The following UBE2D2 variants were observed in gnomAD, a reference collection of about 807,000 sequenced individuals.
The protein encoded by UBE2D2 is ubiquitin conjugating enzyme E2 D2.
UBE2D2 carries 2 observed loss-of-function variants against 24.2 expected under a neutral mutation model. The observed-to-expected ratio is 0.08, with a 90% CI of 0.03 to 0.26. The LOEUF is 0.26. UBE2D2 is among the 10% of genes least tolerant of loss of function. UBE2D2 has a pLI of 1.00. For missense variants in UBE2D2, 44 were observed against 177.6 expected, an observed-to-expected ratio of 0.25 and a Z score of 4.28; for synonymous variants, 58 against 56.5, an observed-to-expected ratio of 1.03 and a Z score of -0.12.
intron 1 of UBE2D2, among the ~76,000 whole-genome samples, chr5:139,583,103 T>C (rs1198786647): frequency 4.0e-5 from 6 of 151,882 alleles, no homozygotes; most frequent in Non-Finnish European, 4.4e-5. Flanking sequence ...GCCTCCCTAG[T>C]AGCTGGGATT....
intron 1 of UBE2D2, chr5:139,562,201 C>T (rs770441705): frequency 8.7e-6 from 12 of 1,380,608 alleles, no homozygotes; most frequent in Non-Finnish European, 9.6e-6. Context: ...GTCGAAAGGG[C>T]TTCTCGCCCC....
intron 2 of UBE2D2, among the ~76,000 whole-genome samples, chr5:139,603,139 A>C (rs1015601946): frequency 6.6e-6 from 1 of 152,142 alleles, no homozygotes; most frequent in Non-Finnish European, 1.5e-5. Flanking sequence ...TACTCTTTCT[A>C]TTCAGTTGGA....
intron 1 of UBE2D2, among the ~76,000 whole-genome samples, chr5:139,586,597 C>T (rs908310362): frequency 3.3e-5 from 5 of 152,096 alleles, no homozygotes; most frequent in African/African-American, 1.2e-4. Flanking sequence ...AACCCTGTCT[C>T]TACTAAAAAT....
intron 5 of UBE2D2, among the ~76,000 whole-genome samples, chr5:139,619,818 G>T (rs1419887620): frequency 6.6e-6 from 1 of 151,658 alleles, no homozygotes; most frequent in African/African-American, 2.4e-5. Flanking sequence ...AGCTGGGATC[G>T]CGCCATTGCA....
intron 1 of UBE2D2, among the ~76,000 whole-genome samples, chr5:139,562,742 G>T (rs1753138364): frequency 1.3e-5 from 2 of 152,002 alleles, no homozygotes; most frequent in African/African-American, 4.8e-5. Flanking sequence ...CAATAAGGAG[G>T]TTTTCCTAAT....
Position 139,626,915 on chromosome 5 carries a change from G to A in UBE2D2, c.*114G>A, listed in dbSNP as rs1754641357. The A allele has an allele frequency of 1.2e-6, 1 of 822,758 alleles. No homozygotes were observed. The highest frequency in any genetic ancestry group is 2.0e-6 in the Non-Finnish European group (1 of 508,294). 51.0% of individuals were successfully genotyped at this position (822,758 alleles called of 1,614,324 possible). A position where few individuals can be genotyped will look rare whatever the true frequency, so the allele number is the denominator to read the frequency against. ...ATGAGCCCACGCCTCATCTTCCCCT[G>A]TGCACATGTTTACCTGATACAGCAG... is the stretch of plus-strand genomic sequence containing the variant. On this transcript the variant is annotated 3_prime_UTR_variant, in exon 7 of 7. Coordinates refer to ENST00000398733, the MANE Select transcript of UBE2D2 (RefSeq NM_003339.3).
At chr5:139,531,115 GTTTTATATTA>G (rs1218486854) in intron 1 of UBE2D2, among the ~76,000 whole-genome samples, 1 of 152,114 alleles carries the variant, frequency 6.6e-6, no homozygotes, top group Non-Finnish European at 1.5e-5. Flanking sequence ...CTCTCATATT[GTTTTATATTA>G]TTTTATACTC....
chr5:139,598,771 A>G (rs904838740), intron 1 of UBE2D2, among the ~76,000 whole-genome samples: 6 of 151,530 alleles, frequency 4.0e-5, no homozygotes, highest in Non-Finnish European at 7.4e-5. Context: ...TATGTTGGCC[A>G]GGCTGGTTTC....
At chr5:139,593,679 A>T (rs1753901449) in intron 1 of UBE2D2, among the ~76,000 whole-genome samples, 1 of 152,048 alleles carries the variant, frequency 6.6e-6, no homozygotes, top group Non-Finnish European at 1.5e-5. Flanking sequence ...GTATAGTGGC[A>T]CGATCCACTG....
At chr5:139,598,277 T>G (rs1360022584) in intron 1 of UBE2D2, among the ~76,000 whole-genome samples, 1 of 152,192 alleles carries the variant, frequency 6.6e-6, no homozygotes, top group Non-Finnish European at 1.5e-5. Flanking sequence ...AGAGTCTAAA[T>G]GGTTTTGGAT....
chr5:139,551,562 T>A (rs1311197919), intron 1 of UBE2D2, among the ~76,000 whole-genome samples: 1 of 152,208 alleles, frequency 6.6e-6, no homozygotes, highest in Non-Finnish European at 1.5e-5. Flanking sequence ...TAAAGTGTTT[T>A]TTCATGAATT....
intron 1 of UBE2D2, among the ~76,000 whole-genome samples, chr5:139,581,190 T>C (rs1441863525): frequency 6.6e-6 from 1 of 152,150 alleles, no homozygotes; most frequent in East Asian, 1.9e-4. Flanking sequence ...GGCTCACGCC[T>C]GTAATCCCAG....
chr5:139,606,702 CAG>C (rs374250985), intron 2 of UBE2D2, among the ~76,000 whole-genome samples: 90 of 152,230 alleles, frequency 5.9e-4, no homozygotes, highest in Admixed American at 1.8e-3. Context: ...ATTTTTGAAA[CAG>C]ATGTTTATGT....
upstream of UBE2D2, chr5:139,561,280 C>G (rs1222149381): frequency 6.6e-6 from 1 of 152,250 alleles, no homozygotes; most frequent in Admixed American, 6.5e-5. Context: ...CCTCCCCTGG[C>G]CCGCCAATCC....
chr5:139,571,478 C>T (rs896717881), intron 1 of UBE2D2, among the ~76,000 whole-genome samples: 6 of 151,418 alleles, frequency 4.0e-5, no homozygotes, highest in South Asian at 2.1e-4. Context: ...TCAGGAATTA[C>T]TTGATCTTTT....
In UBE2D2 at chr5:139,591,331, G is replaced by T. The variant is rs1753842724; in HGVS notation, c.25-9041G>T. Among the ~76,000 whole-genome samples the T allele has an allele frequency of 1.3e-5, 2 of 151,814 alleles. 1 individual carries two copies. The highest frequency in any genetic ancestry group is 4.8e-5 in the African/African-American group (2 of 41,416). Reference sequence around the variant, plus strand: ...GACAGGGTTTCTCCATGCTGGTCAGGCTGGTCTCAAGCTCCCGACCTCAGG... The same window carrying T: ...GACAGGGTTTCTCCATGCTGGTCAGTCTGGTCTCAAGCTCCCGACCTCAGG... On this transcript the variant is annotated intron_variant, in intron 1 of 6. Transcript: ENST00000398733.
rs540429166 is a variant in UBE2D2, at chr5:139,549,607, G to A, written c.-64+22995G>A. Among the ~76,000 whole-genome samples the A allele has an allele frequency of 1.4e-4, 21 of 152,316 alleles. No individual in the cohort carries two copies. In the East Asian group the frequency reaches 3.3e-3, roughly 24 times the overall value. ...GGGCAGGGCTAGGGATCTGCAGCCCGCCATGCCTGAACACCCTCCCCCTAC... is the reference window on the plus strand; with the variant it reads ...GGGCAGGGCTAGGGATCTGCAGCCCACCATGCCTGAACACCCTCCCCCTAC... On this transcript the variant is annotated intron_variant, in intron 1 of 6. Coordinates refer to the UBE2D2 transcript ENST00000511725.
At chr5:139,553,158 G>T (rs959923025) in intron 1 of UBE2D2, among the ~76,000 whole-genome samples, 1 of 152,158 alleles carries the variant, frequency 6.6e-6, no homozygotes, top group Admixed American at 6.5e-5. Flanking sequence ...ATCTTACAGA[G>T]TCTAGAATGT....
chr5:139,609,779 G>GTT (rs557869411), intron 2 of UBE2D2, among the ~76,000 whole-genome samples: 12 of 118,842 alleles, frequency 1.0e-4, no homozygotes, highest in Non-Finnish European at 1.8e-4. Flanking sequence ...TTGTTTTTTT[G>GTT]TTTTTTTTTT....
Sources: gnomAD v4.1 joint callset for allele counts (sites outside exome capture counted in the v4.1 genomes callset) on GRCh38, gnomAD v4.1.1 for gene constraint, MANE v1.5 for transcripts, NCBI Gene and HGNC (gene_info 2026-07-23, HGNC 2026-07-21) for gene names.